The following DOCK1 variants were observed in gnomAD, a reference collection of about 807,000 sequenced individuals.
DOCK1 encodes dedicator of cytokinesis protein 1.
A neutral mutation model predicts 262.7 loss-of-function variants in DOCK1; 138 were observed. The observed-to-expected ratio is 0.53, with a 90% CI of 0.46 to 0.61. DOCK1 has a LOEUF of 0.61. Ranked by LOEUF, DOCK1 falls within the 20% of genes least tolerant of loss-of-function variation. DOCK1 has a pLI of 0.00. For missense variants in DOCK1, 1,908 were observed against 2,370.7 expected (o/e 0.80, Z 4.05); for synonymous variants, 866 against 867.4 (o/e 1.00, Z 0.03).
rs867457055 is a variant in DOCK1, at chr10:127,082,826, C to T, written c.2445+21050C>T. Among the ~76,000 whole-genome samples the T allele has an allele frequency of 4.6e-5, 7 of 152,270 alleles. No individual in the cohort carries two copies. In the South Asian group the frequency reaches 6.2e-4, roughly 14 times the overall value. On this transcript the variant is annotated intron_variant, in intron 23 of 51. Transcript: ENST00000623213. ...GGAGCCCGATTCCCTCCTCACACTC[C>T]CTTGGCTCCCTTCTTGTCTCTGTAC... is the stretch of plus-strand genomic sequence containing the variant.
chr10:127,381,771 G>T (rs1338033806), intron 37 of DOCK1, among the ~76,000 whole-genome samples: 2 of 152,198 alleles, frequency 1.3e-5, no homozygotes, highest in African/African-American at 2.4e-5. Context: ...TTAGTAAAGA[G>T]TTAGGGACCA....
At chr10:126,906,809 T>C (rs565790278) in intron 1 of DOCK1, among the ~76,000 whole-genome samples, 1 of 152,256 alleles carries the variant, frequency 6.6e-6, no homozygotes, top group East Asian at 1.9e-4. Context: ...GTCAATGACT[T>C]ACAGTATGCC....
Position 127,100,653 on chromosome 10 carries a change from G to A in DOCK1, c.2446-5578G>A, listed in dbSNP as rs1054485772. On this transcript the variant is annotated intron_variant, in intron 23 of 51. Transcript: ENST00000623213. This position sits in a 1 kb window ranked among gnomAD's most constrained non-coding sequence, Gnocchi z 5.5. Reference sequence around the variant, plus strand: ...GAGGAACCCACAGGCAAGGGGCTGGGGGAGCAGGGCCCTGCGCAGGGAGCT... The same window carrying A: ...GAGGAACCCACAGGCAAGGGGCTGGAGGAGCAGGGCCCTGCGCAGGGAGCT... Among the ~76,000 whole-genome samples the A allele has an allele frequency of 1.1e-4, 17 of 152,136 alleles. No homozygotes were observed. The highest frequency in any genetic ancestry group is 2.4e-4 in the Non-Finnish European group (16 of 68,008).
Position 127,212,855 on chromosome 10 carries a change from G to C in DOCK1, c.2848-35153G>C, listed in dbSNP as rs190597709. Among the ~76,000 whole-genome samples, 191 of 148,734 alleles carry C rather than the reference G, an allele frequency of 1.3e-3. 2 individuals carry two copies. The highest frequency in any genetic ancestry group is 4.5e-3 in the African/African-American group (183 of 40,580). ...TGGAGAATCTCATTTTTGCTTCAGC[G>C]TCTCTTCTGTGATGATTTCTTGCTT... On this transcript the variant is annotated intron_variant, in intron 27 of 51. Coordinates refer to ENST00000623213, the MANE Select transcript of DOCK1 (RefSeq NM_001290223.2).
At chr10:127,027,975 G>A (rs1197648991) in intron 16 of DOCK1, among the ~76,000 whole-genome samples, 1 of 151,464 alleles carries the variant, frequency 6.6e-6, no homozygotes. Flanking sequence ...TGGCAGATGT[G>A]TGTGTGGTGG....
chr10:127,389,688 G>C (rs952969778), intron 38 of DOCK1, among the ~76,000 whole-genome samples: 1 of 152,130 alleles, frequency 6.6e-6, no homozygotes, highest in South Asian at 2.1e-4. Context: ...TCGTGAGAGT[G>C]AGTGAGTTCT....
intron 44 of DOCK1, among the ~76,000 whole-genome samples, chr10:127,416,651 C>T (rs567599576): frequency 6.6e-5 from 10 of 152,330 alleles, no homozygotes; most frequent in African/African-American, 2.2e-4. Context: ...GACCAACCCC[C>T]GTGGGATATC....
chr10:126,965,665 C>A (rs2134607270), intron 1 of DOCK1, among the ~76,000 whole-genome samples: 1 of 152,226 alleles, frequency 6.6e-6, no homozygotes, highest in African/African-American at 2.4e-5. Context: ...GATGGGCTTA[C>A]TATGTTTTTT....
chr10:127,269,456 A>G (rs887911921), intron 29 of DOCK1, among the ~76,000 whole-genome samples: 1 of 152,214 alleles, frequency 6.6e-6, no homozygotes, highest in Admixed American at 6.5e-5. Context: ...TCTTGTGAGG[A>G]TATTTGTATA....
intron 29 of DOCK1, among the ~76,000 whole-genome samples, chr10:127,299,460 G>C (rs2061610170): frequency 6.6e-6 from 1 of 152,324 alleles, no homozygotes; most frequent in Non-Finnish European, 1.5e-5. Flanking sequence ...AGAAGACACA[G>C]ACACACAGGA....
intron 27 of DOCK1, among the ~76,000 whole-genome samples, chr10:127,144,832 G>A (rs749858427): frequency 3.3e-5 from 5 of 152,192 alleles, no homozygotes; most frequent in Middle Eastern, 6.8e-3. Flanking sequence ...AATGTTTATG[G>A]TATCACTGTA....
At chr10:127,388,675 G>A (rs1046375818) in intron 38 of DOCK1, among the ~76,000 whole-genome samples, 1 of 152,158 alleles carries the variant, frequency 6.6e-6, no homozygotes, top group Admixed American at 6.5e-5. Context: ...CAGAGGTTCC[G>A]CCACAGAGGA....
intron 29 of DOCK1, among the ~76,000 whole-genome samples, chr10:127,293,383 C>T (rs142985999): frequency 1.3e-3 from 196 of 152,332 alleles, no homozygotes; most frequent in African/African-American, 4.5e-3. Flanking sequence ...AGCTGCCTCT[C>T]CTTACCTGTG....
chr10:127,010,657 G>C (rs566137182), intron 11 of DOCK1, among the ~76,000 whole-genome samples: 2 of 152,306 alleles, frequency 1.3e-5, no homozygotes, highest in African/African-American at 4.8e-5. Flanking sequence ...AGTGAGGAGA[G>C]TTTATAAAGG....
At chr10:126,994,885 G>T (rs1411387450) in intron 6 of DOCK1, among the ~76,000 whole-genome samples, 1 of 152,016 alleles carries the variant, frequency 6.6e-6, no homozygotes, top group African/African-American at 2.4e-5. Flanking sequence ...TCACTTCCCA[G>T]ACGGGGCGGC....
chr10:127,440,047 G>A (rs952386756), intron 49 of DOCK1, among the ~76,000 whole-genome samples: 6 of 151,852 alleles, frequency 4.0e-5, no homozygotes, highest in African/African-American at 9.7e-5. Context: ...CAGGCTGTAC[G>A]AGCACAGCAC....
At chr10:127,222,830 T>G (rs1192276701) in intron 27 of DOCK1, among the ~76,000 whole-genome samples, 2 of 96,890 alleles carry the variant, frequency 2.1e-5, no homozygotes, top group Non-Finnish European at 4.9e-5. Context: ...TACGCCTGGC[T>G]AATTTTTTTC....
At position 127,354,661 on chromosome 10, in the gene DOCK1, A is replaced by T. The variant is rs758945055; in HGVS notation, c.3225-8A>T. Reference sequence around the variant, plus strand: ...TGATTCAGCGTTTTTCTTTTCCCTGATTTCCAGGTACGGAGATATGAGGAG... The same window carrying T: ...TGATTCAGCGTTTTTCTTTTCCCTGTTTTCCAGGTACGGAGATATGAGGAG... On this transcript the variant is annotated splice_polypyrimidine_tract_variant and splice_region_variant and intron_variant, in intron 31 of 51. Coordinates refer to ENST00000623213, the MANE Select transcript of DOCK1 (RefSeq NM_001290223.2). 6.2e-7 allele frequency: 1 copy of T among 1,613,672 alleles called. No individual in the cohort carries two copies.
At chr10:127,402,684 C>A in intron 38 of DOCK1, 1 of 525,110 alleles carries the variant, frequency 1.9e-6, no homozygotes, top group East Asian at 5.3e-5. Flanking sequence ...ACCCCACAGC[C>A]TCTCTTCACC....
Sources: gnomAD v4.1 joint callset for allele counts (sites outside exome capture counted in the v4.1 genomes callset) on GRCh38, gnomAD v4.1.1 for gene constraint, Gnocchi (gnomAD v3.1) non-coding constraint, MANE v1.5 for transcripts, NCBI Gene and HGNC (gene_info 2026-07-23, HGNC 2026-07-21) for gene names.